TLE3: variants seen among roughly 807,000 people sequenced by gnomAD.
TLE3 encodes TLE family member 3, transcriptional corepressor.
A neutral mutation model predicts 93.0 loss-of-function variants in TLE3; 14 were observed. That is an observed-to-expected ratio of 0.15 (90% CI 0.10 to 0.24). The LOEUF is 0.24. Ranked by LOEUF, TLE3 falls within the 10% of genes least tolerant of loss-of-function variation. The pLI, the probability that TLE3 is intolerant of heterozygous loss-of-function variation, is 1.00. For missense variants in TLE3, 693 were observed against 1,046.6 expected, an observed-to-expected ratio of 0.66 and a Z score of 4.66; for synonymous variants, 451 against 425.0, an observed-to-expected ratio of 1.06 and a Z score of -0.75.
rs2056797889 is a variant in TLE3 at position 70,066,072 on chromosome 15, G to T, written c.519C>A (p.Gly173=). 1 of 1,600,374 alleles carries T rather than the reference G, an allele frequency of 6.2e-7. No homozygotes were observed. The highest frequency in any genetic ancestry group is 8.5e-7 in the Non-Finnish European group (1 of 1,173,146). Residue 173 remains glycine (G), a synonymous_variant, in exon 7 of 20, where the codon GGC becomes GGA. Coordinates refer to ENST00000451782, the MANE Select transcript of TLE3 (RefSeq NM_001105192.3). ...SSGLLALGAL[G]SQAHLTVKDE... ...CCTTCACCGTCAGATGGGCCTGGCT[G>T]CCCAGGGCGCCCAGTGCCAGCAGCC...
At position 70,058,566 on chromosome 15, in the gene TLE3, C is replaced by T; in HGVS notation, c.918+97G>A. 6.8e-7 allele frequency: 1 copy of T among 1,466,204 alleles called. No individual in the cohort carries two copies. Among genetic ancestry groups the T allele is most frequent in the East Asian group, 2.5e-5 (1 of 40,186 alleles). 90.8% of individuals were successfully genotyped at this position (1,466,204 alleles called of 1,614,324 possible). On this transcript the variant is annotated intron_variant, in intron 11 of 19. Transcript: ENST00000451782. This position sits in a 1 kb window ranked among gnomAD's most constrained non-coding sequence, Gnocchi z 4.1. ...AAACCGGGGCCAATCACCCACCCAG[C>T]TTCTCCCACTCCACCCCTCTGCCTG...
intron 6 of TLE3, among the ~76,000 whole-genome samples, chr15:70,068,273 A>G (rs1013553361): frequency 6.6e-6 from 1 of 152,204 alleles, no homozygotes; most frequent in Non-Finnish European, 1.5e-5. Flanking sequence ...TTTCAAATGT[A>G]TTTATACAGA....
chr15:70,083,059 C>A (rs1002742180), intron 4 of TLE3, among the ~76,000 whole-genome samples: 1 of 152,164 alleles, frequency 6.6e-6, no homozygotes, highest in Non-Finnish European at 1.5e-5. Flanking sequence ...GCATTCCTAG[C>A]CCAGATCCAT....
chr15:70,058,918 C>T lies in TLE3; in HGVS notation c.766-103G>A, dbSNP rs547800609. On this transcript the variant is annotated intron_variant, in intron 10 of 19. Coordinates refer to ENST00000451782, the MANE Select transcript of TLE3 (RefSeq NM_001105192.3). This position sits in a 1 kb window ranked among gnomAD's most constrained non-coding sequence, Gnocchi z 4.1. Reference sequence around the variant, plus strand: ...AGAGAGGGCATGGGCGATGGGAAGACGAGCTTGGCTGAAAGACTGGGGGCC... The same window carrying T: ...AGAGAGGGCATGGGCGATGGGAAGATGAGCTTGGCTGAAAGACTGGGGGCC... The T allele has an allele frequency of 1.6e-5, 23 of 1,404,782 alleles. No homozygotes were observed. The highest frequency in any genetic ancestry group is 1.1e-4 in the East Asian group (4 of 37,698). The allele number at this position is 1,404,782 out of a possible 1,614,324, so 87.0% of individuals were successfully genotyped here.
intron 4 of TLE3, among the ~76,000 whole-genome samples, chr15:70,094,093 A>C (rs2058435072): frequency 6.6e-6 from 1 of 152,098 alleles, no homozygotes; most frequent in Non-Finnish European, 1.5e-5. Context: ...AAGGTTCTTG[A>C]AGTTTAATCT....
intron 4 of TLE3, among the ~76,000 whole-genome samples, chr15:70,088,902 C>T (rs775460500): frequency 9.9e-5 from 15 of 151,822 alleles, no homozygotes; most frequent in Non-Finnish European, 4.4e-5. Context: ...CCCCACCCCG[C>T]GGCAGATGGA....
At chr15:70,052,872 C>T (rs2055671237) in intron 17 of TLE3, 1 of 305,262 alleles carries the variant, frequency 3.3e-6, no homozygotes, top group Non-Finnish European at 6.0e-6. Flanking sequence ...TTCTGTGAGT[C>T]GGGTTTATGG....
At chr15:70,079,421 C>T (rs771152835) in intron 4 of TLE3, 2 of 439,708 alleles carry the variant, frequency 4.5e-6, no homozygotes. Flanking sequence ...CCTGGTTCAC[C>T]GTAAAAGTTC....
intron 8 of TLE3, among the ~76,000 whole-genome samples, chr15:70,062,489 C>T (rs1488241119): frequency 1.3e-5 from 2 of 152,232 alleles, no homozygotes; most frequent in East Asian, 1.9e-4. Flanking sequence ...AAACCCTCGC[C>T]GCTACCGGAG....
intron 2 of TLE3, chr15:70,095,936 T>G (rs2142109242): frequency 1.5e-6 from 1 of 656,078 alleles, no homozygotes; most frequent in East Asian, 2.8e-5. Flanking sequence ...CGCCGCGACC[T>G]AGACCCTCAT....
chr15:70,053,258 C>T lies in TLE3; in HGVS notation c.1943G>A (p.Arg648Gln). 3.7e-6 allele frequency: 6 copies of T among 1,608,752 alleles called. No homozygotes were observed. Among genetic ancestry groups the T allele is most frequent in the Non-Finnish European group, 5.1e-6 (6 of 1,177,552 alleles). ...TVRSWDLREG[R>Q]QLQQHDFTSQ... ...AGTGAAGTCATGCTGCTGTAGCTGT[C>T]GGCCCTCCCGCAGGTCCCAGGAGCG... The change falls in exon 17 of 20, where the codon CGA (arginine) becomes CAA (glutamine). Residue 648 changes from arginine to glutamine, a missense_variant. Arg to Gln is a conservative substitution (Grantham distance 43). Coordinates refer to ENST00000451782, the MANE Select transcript of TLE3 (RefSeq NM_001105192.3).
Position 70,060,638 on chromosome 15 carries a change from C to A in TLE3, c.606G>T (p.Val202=). 6.2e-7 allele frequency: 1 copy of A among 1,613,908 alleles called. No homozygotes were observed. Among genetic ancestry groups the A allele is most frequent in the African/African-American group, 1.3e-5 (1 of 75,036 alleles). Residue 202 remains valine, a synonymous_variant, in exon 9 of 20, where the codon GTG becomes GTT. Transcript: ENST00000451782. Reference sequence around the variant, plus strand: ...TGGCCCGGAGGCTTTCCGAGGGTGACACAGAGTTATTCTGGAAGGAAAAAG... The same window carrying A: ...TGGCCCGGAGGCTTTCCGAGGGTGAAACAGAGTTATTCTGGAAGGAAAAAG... ...RERESSANNS[V]SPSESLRASE... is the part of the protein sequence containing the mutation.
At chr15:70,055,897 C>T in intron 14 of TLE3, 2 of 331,040 alleles carry the variant, frequency 6.0e-6, no homozygotes, top group South Asian at 5.7e-5. Flanking sequence ...GTGTGCCCTC[C>T]AGGGGAGGGA....
At chr15:70,055,568 T>G in intron 14 of TLE3, 17 of 368,142 alleles carry the variant, frequency 4.6e-5, no homozygotes, top group Non-Finnish European at 5.8e-5. Flanking sequence ...GGAATGCCCT[T>G]TCCCACGATC....
Position 70,048,388 on chromosome 15 carries a change from G to C in TLE3, c.*1709C>G, listed in dbSNP as rs2055246106. The C allele has an allele frequency of 6.6e-6, 1 of 152,142 alleles. No individual in the cohort carries two copies. Among genetic ancestry groups the C allele is most frequent in the Non-Finnish European group, 1.5e-5 (1 of 68,034 alleles). 9.4% of individuals were successfully genotyped at this position (152,142 alleles called of 1,614,324 possible). The stretch of plus-strand genomic sequence containing the variant: ...CTGGACGCCCCACGCGCCCAGCCTT[G>C]GAGAGGCACAGGGTGTGTCGCCAGC... On this transcript the variant is annotated 3_prime_UTR_variant, in exon 20 of 20. Coordinates refer to ENST00000451782, the MANE Select transcript of TLE3 (RefSeq NM_001105192.3).
chr15:70,074,395 G>A, intron 6 of TLE3, 138 bp downstream of exon 6: 2 of 1,071,584 alleles, frequency 1.9e-6, no homozygotes, highest in Non-Finnish European at 2.7e-6. Context: ...AAGCCCTTGG[G>A]GTGCTTGTAG....
chr15:70,097,505 C>G lies in TLE3; in HGVS notation c.-707G>C. Reference sequence around the variant, plus strand: ...CCCTTCCCAGGGCCGGGGAGGAACTCCGGGCTCAGTAGGTGCAAATCAAAC... The same window carrying G: ...CCCTTCCCAGGGCCGGGGAGGAACTGCGGGCTCAGTAGGTGCAAATCAAAC... On this transcript the variant is annotated 5_prime_UTR_variant, in exon 1 of 20. Coordinates refer to ENST00000451782, the MANE Select transcript of TLE3 (RefSeq NM_001105192.3). The G allele has an allele frequency of 2.5e-6, 1 of 407,322 alleles. No homozygotes were observed. The highest frequency in any genetic ancestry group is 4.3e-6 in the Non-Finnish European group (1 of 231,738). 25.2% of individuals were successfully genotyped at this position (407,322 alleles called of 1,614,324 possible). A position where few individuals can be genotyped will look rare whatever the true frequency, so the allele number is the denominator to read the frequency against.
chr15:70,052,405 G>A lies in TLE3; in HGVS notation c.2094C>T (p.Ser698=). ...PDKYQLHLHE[S]CVLSLKFAYC... ...AGGCGAACTTGAGGGAGAGCACGCAGCTCTCGTGCAGGTGCAGCTGGTACT... is the reference window on the plus strand; with the variant it reads ...AGGCGAACTTGAGGGAGAGCACGCAACTCTCGTGCAGGTGCAGCTGGTACT... The change falls in exon 18 of 20, where the codon AGC becomes AGT. Residue 698 remains serine (S), a synonymous_variant. Transcript: ENST00000451782. The A allele has an allele frequency of 1.2e-6, 2 of 1,613,942 alleles. No homozygotes were observed. Among genetic ancestry groups the A allele is most frequent in the South Asian group, 1.1e-5 (1 of 91,082 alleles).
At chr15:70,094,226 T>C (rs2058442715) in intron 4 of TLE3, among the ~76,000 whole-genome samples, 1 of 152,130 alleles carries the variant, frequency 6.6e-6, no homozygotes, top group Non-Finnish European at 1.5e-5. Flanking sequence ...CAGCCACCTC[T>C]GGGCTTTCAG....
Sources: allele counts gnomAD v4.1 joint callset (sites outside exome capture counted in the v4.1 genomes callset), GRCh38; gene constraint gnomAD v4.1.1; non-coding constraint Gnocchi (gnomAD v3.1); transcripts MANE v1.5; gene names NCBI Gene and HGNC (gene_info 2026-07-23, HGNC 2026-07-21).